POU6F2: variants seen among roughly 807,000 people sequenced by gnomAD.
POU6F2 encodes the protein POU domain, class 6, transcription factor 2.
In POU6F2, 31 loss-of-function variants were observed where a neutral mutation model predicts 71.3. That is an observed-to-expected ratio of 0.43 (90% CI 0.33 to 0.59). POU6F2 has a LOEUF of 0.59. Among genes scored for constraint, POU6F2 ranks in the 20% least tolerant of loss-of-function variants. The pLI is 0.04. For missense variants in POU6F2, 783 were observed against 856.8 expected (o/e 0.91, Z 1.07); for synonymous variants, 347 against 355.7 (o/e 0.98, Z 0.27).
chr7:39,170,356 T>A (rs1793194846), intron 2 of POU6F2, among the ~76,000 whole-genome samples: 1 of 152,160 alleles, frequency 6.6e-6, no homozygotes, highest in Admixed American at 6.5e-5. Context: ...CAGAATCCTT[T>A]GCAAACTACA....
At chr7:39,401,119 C>T (rs907952049) in intron 5 of POU6F2, among the ~76,000 whole-genome samples, 5 of 152,152 alleles carry the variant, frequency 3.3e-5, no homozygotes, top group South Asian at 2.1e-4. Flanking sequence ...CTTCCCAGTG[C>T]GCAGGCTGGT....
intron 4 of POU6F2, among the ~76,000 whole-genome samples, chr7:39,319,774 G>A (rs948150118): frequency 1.3e-5 from 2 of 152,196 alleles, no homozygotes; most frequent in African/African-American, 4.8e-5. Context: ...CAGCTCCATG[G>A]AAGCCTCCTT....
intron 5 of POU6F2, among the ~76,000 whole-genome samples, chr7:39,380,119 G>A (rs1786796477): frequency 6.6e-6 from 1 of 152,098 alleles, no homozygotes; most frequent in African/African-American, 2.4e-5. Context: ...AAATATAGAT[G>A]CTCCCACTGA....
At chr7:39,354,901 A>G (rs746919547) in intron 5 of POU6F2, among the ~76,000 whole-genome samples, 10 of 152,222 alleles carry the variant, frequency 6.6e-5, no homozygotes, top group Non-Finnish European at 1.3e-4. Flanking sequence ...TTCCCAATCA[A>G]TAGTTATCAG....
chr7:39,254,934 C>T lies in POU6F2; in HGVS notation c.598+47314C>T, dbSNP rs193017534. ...TTCTTGTGATTCTACTGAACTCACC[C>T]GGGTCATTTGACAGCCCAAGAAAAA... On this transcript the variant is annotated intron_variant, in intron 4 of 9. Transcript: ENST00000518318. Among the ~76,000 whole-genome samples the T allele has an allele frequency of 1.9e-3, 282 of 152,064 alleles. 1 individual carries two copies. The highest frequency in any genetic ancestry group is 6.3e-3 in the African/African-American group (262 of 41,446).
intron 4 of POU6F2, among the ~76,000 whole-genome samples, chr7:39,290,843 G>A (rs753964799): frequency 1.3e-5 from 2 of 152,130 alleles, no homozygotes; most frequent in African/African-American, 4.8e-5. Context: ...CTCACACCAC[G>A]TGGCTGCCAA....
chr7:39,312,796 G>A (rs897418459), intron 4 of POU6F2, among the ~76,000 whole-genome samples: 1 of 152,210 alleles, frequency 6.6e-6, no homozygotes, highest in Non-Finnish European at 1.5e-5. Context: ...TGACTAACAG[G>A]TGGGGAGTGG....
intron 5 of POU6F2, among the ~76,000 whole-genome samples, chr7:39,350,401 C>T (rs1459196404): frequency 2.0e-5 from 3 of 152,030 alleles, no homozygotes; most frequent in Admixed American, 2.0e-4. Context: ...ATCTGGTTGT[C>T]TTGGAAACTT....
intron 2 of POU6F2, among the ~76,000 whole-genome samples, chr7:39,141,637 G>T (rs1449681117): frequency 6.6e-6 from 1 of 152,098 alleles, no homozygotes; most frequent in Non-Finnish European, 1.5e-5. Flanking sequence ...ATACTGCTAG[G>T]AAGGATGAAA....
intron 6 of POU6F2, among the ~76,000 whole-genome samples, chr7:39,411,509 G>A (rs148321542): frequency 4.5e-4 from 69 of 152,102 alleles, no homozygotes; most frequent in African/African-American, 1.1e-3. Flanking sequence ...AGTCAAATGC[G>A]TTTGTCCTTA....
chr7:39,459,451 G>GGGTTTGGTTT (rs200545911), intron 8 of POU6F2, among the ~76,000 whole-genome samples: 2 of 131,672 alleles, frequency 1.5e-5, no homozygotes, highest in East Asian at 2.6e-4. Context: ...CTGGTTTTGT[G>GGGTTTGGTTT]GGTTTTGTTT....
intron 7 of POU6F2, among the ~76,000 whole-genome samples, chr7:39,440,429 A>G (rs1264176006): frequency 1.3e-5 from 2 of 152,086 alleles, no homozygotes; most frequent in Non-Finnish European, 2.9e-5. Context: ...TTATTTCAGC[A>G]AGATGGTCTT....
At chr7:39,056,648 TTCTC>T (rs56755867) in intron 1 of POU6F2, among the ~76,000 whole-genome samples, 234 of 118,038 alleles carry the variant, frequency 2.0e-3, no homozygotes, top group African/African-American at 6.1e-3. Flanking sequence ...CTTTCTCTTT[TTCTC>T]TCTCTCTCTC....
chr7:39,246,620 A>C (rs1783825876), intron 4 of POU6F2, among the ~76,000 whole-genome samples: 1 of 152,134 alleles, frequency 6.6e-6, no homozygotes, highest in South Asian at 2.1e-4. Flanking sequence ...TATCCCATGA[A>C]ATTGATGGGA....
At chr7:39,335,427 G>A (rs1785750266) in intron 4 of POU6F2, among the ~76,000 whole-genome samples, 1 of 152,180 alleles carries the variant, frequency 6.6e-6, no homozygotes, top group Admixed American at 6.5e-5. Context: ...TCAATAATGA[G>A]ATACCTGAGC....
intron 4 of POU6F2, among the ~76,000 whole-genome samples, chr7:39,275,989 T>C (rs1205603302): frequency 1.3e-5 from 2 of 152,108 alleles, no homozygotes; most frequent in Non-Finnish European, 2.9e-5. Flanking sequence ...GACATAGGCA[T>C]GGGCAAGAAC....
intron 2 of POU6F2, among the ~76,000 whole-genome samples, chr7:39,087,561 A>G (rs1049122124): frequency 1.3e-5 from 2 of 152,114 alleles, no homozygotes; most frequent in African/African-American, 4.8e-5. Context: ...CTTTACTTCA[A>G]TTTTAGGAGG....
intron 2 of POU6F2, among the ~76,000 whole-genome samples, chr7:39,196,761 GA>G (rs895522103): frequency 1.8e-4 from 26 of 141,378 alleles, no homozygotes; most frequent in East Asian, 1.4e-3. Context: ...TCCATCTCAA[GA>G]AAAAAAAAAA....
chr7:39,263,994 C>T (rs915126848), intron 4 of POU6F2, among the ~76,000 whole-genome samples: 1 of 152,210 alleles, frequency 6.6e-6, no homozygotes, highest in African/African-American at 2.4e-5. Flanking sequence ...CCAATGTCAA[C>T]TTGCTAATTT....
Sources: gnomAD v4.1 joint callset for allele counts (sites outside exome capture counted in the v4.1 genomes callset) on GRCh38, gnomAD v4.1.1 for gene constraint, MANE v1.5 for transcripts, NCBI Gene and HGNC (gene_info 2026-07-23, HGNC 2026-07-21) for gene names.